The following PKNOX2 variants were observed in gnomAD, a reference collection of about 807,000 sequenced individuals.
PKNOX2 encodes the protein homeobox protein PKNOX2.
PKNOX2 carries 14 observed loss-of-function variants against 53.1 expected under a neutral mutation model. The ratio of observed to expected loss-of-function variants is 0.26; its 90% CI spans 0.17 to 0.41. The LOEUF (loss-of-function observed/expected upper bound fraction) is 0.41. PKNOX2 is among the 10% of genes least tolerant of loss of function. PKNOX2 has a pLI of 1.00. For synonymous variants in PKNOX2, 257 were observed against 242.8 expected (o/e 1.06, Z -0.54); for missense variants, 496 against 602.8 (o/e 0.82, Z 1.85).
chr11:125,217,564 C>T (rs900096247), intron 1 of PKNOX2, among the ~76,000 whole-genome samples: 2 of 152,088 alleles, frequency 1.3e-5, no homozygotes, highest in Non-Finnish European at 2.9e-5. Context: ...CTAGCGCAGG[C>T]GGGCACACAG....
At chr11:125,296,471 A>G (rs11220011) in intron 2 of PKNOX2, among the ~76,000 whole-genome samples, 36,996 of 151,822 alleles carry the variant, frequency 0.24, 5,974 homozygotes, top group African/African-American at 0.45. Flanking sequence ...TCAGGTCTCT[A>G]TTCAACTGTC....
At chr11:125,429,721 T>C (rs1323923673) in intron 11 of PKNOX2, among the ~76,000 whole-genome samples, 1 of 152,178 alleles carries the variant, frequency 6.6e-6, no homozygotes, top group Non-Finnish European at 1.5e-5. Flanking sequence ...TGGAAGGTCT[T>C]GAGCAGGGAT....
At chr11:125,325,716 G>A (rs1243050365) in intron 2 of PKNOX2, among the ~76,000 whole-genome samples, 1 of 152,070 alleles carries the variant, frequency 6.6e-6, no homozygotes, top group Non-Finnish European at 1.5e-5. Flanking sequence ...CTGTGAGTTG[G>A]GTATTATTGT....
rs1942852035 is a variant in PKNOX2, at chr11:125,237,927, AT to A, written c.-130+2814del. 2.0e-5 allele frequency among the ~76,000 whole-genome samples: 3 copies of A among 152,104 alleles called. No individual in the cohort carries two copies. The South Asian group carries it at 6.2e-4, about 31-fold the overall frequency. On this transcript the variant is annotated intron_variant, in intron 2 of 12. Transcript: ENST00000298282. ...AAGCTGGGGTAGGTTTCACACAAAG[AT>A]TAGGATTTAAGAAGCTACAAGGGTC...
At chr11:125,272,737 T>C (rs1334059319) in intron 2 of PKNOX2, among the ~76,000 whole-genome samples, 1 of 152,222 alleles carries the variant, frequency 6.6e-6, no homozygotes, top group Non-Finnish European at 1.5e-5. Context: ...TTTCCCCTTC[T>C]TTATTTTTCC....
chr11:125,327,405 T>A (rs1055411520), intron 2 of PKNOX2, among the ~76,000 whole-genome samples: 2 of 152,346 alleles, frequency 1.3e-5, no homozygotes, highest in Middle Eastern at 6.8e-3. Context: ...TCTTGTTCCC[T>A]GAACCATCCG....
At chr11:125,353,984 G>A (rs1951460282) in intron 4 of PKNOX2, among the ~76,000 whole-genome samples, 2 of 152,272 alleles carry the variant, frequency 1.3e-5, no homozygotes, top group East Asian at 1.9e-4. Context: ...TGACTCTAGG[G>A]GGAAAGGCTG....
chr11:125,426,032 T>G lies in PKNOX2; in HGVS notation c.937-2980T>G, dbSNP rs540590112. Among the ~76,000 whole-genome samples, 192 of 152,304 alleles carry G rather than the reference T, an allele frequency of 1.3e-3. 1 individual carries two copies. The highest frequency in any genetic ancestry group is 4.5e-3 in the African/African-American group (188 of 41,558). ...TTTGGGTGGCATTGCTTCTCATAGC[T>G]CCCCACTGGACTGGAGCATGTTAAT... On this transcript the variant is annotated intron_variant, in intron 10 of 12. Transcript: ENST00000298282.
intron 2 of PKNOX2, among the ~76,000 whole-genome samples, chr11:125,329,917 CGTT>C (rs1165283740): frequency 6.6e-6 from 1 of 152,126 alleles, no homozygotes; most frequent in Non-Finnish European, 1.5e-5. Flanking sequence ...AGCAGGAAGT[CGTT>C]GTACTTCTGG....
chr11:125,349,108 C>T (rs1951153782), intron 3 of PKNOX2, among the ~76,000 whole-genome samples: 1 of 152,230 alleles, frequency 6.6e-6, no homozygotes, highest in South Asian at 2.1e-4. Context: ...TTAATAGGCC[C>T]CTGAAACATT....
chr11:125,207,201 C>T (rs1326310746), intron 1 of PKNOX2, among the ~76,000 whole-genome samples: 1 of 152,058 alleles, frequency 6.6e-6, no homozygotes, highest in Non-Finnish European at 1.5e-5. Flanking sequence ...TTCTCTCTCT[C>T]TCTTTCCCTT....
At chr11:125,328,254 C>T (rs1949939021) in intron 2 of PKNOX2, among the ~76,000 whole-genome samples, 1 of 152,190 alleles carries the variant, frequency 6.6e-6, no homozygotes, top group Non-Finnish European at 1.5e-5. Context: ...ATCACACACA[C>T]ATTGTAGGTG....
At chr11:125,424,776 G>C (rs1956328142) in intron 10 of PKNOX2, among the ~76,000 whole-genome samples, 2 of 152,192 alleles carry the variant, frequency 1.3e-5, no homozygotes, top group Admixed American at 6.5e-5. Context: ...ATTGCCAATG[G>C]GCTGTGCATG....
chr11:125,271,471 C>A (rs1945785023), intron 2 of PKNOX2, among the ~76,000 whole-genome samples: 1 of 152,200 alleles, frequency 6.6e-6, no homozygotes, highest in Admixed American at 6.5e-5. Context: ...TTCTTCCCTA[C>A]CTCCATCCCA....
intron 2 of PKNOX2, among the ~76,000 whole-genome samples, chr11:125,309,215 T>TTC (rs1393699862): frequency 6.7e-6 from 1 of 149,490 alleles, no homozygotes; most frequent in African/African-American, 2.5e-5. Flanking sequence ...CCTTCCTTTC[T>TTC]CTCTCTCTTT....
chr11:125,397,798 G>T lies in PKNOX2; in HGVS notation c.400-76G>T, dbSNP rs534266905. 1.2e-5 allele frequency: 18 copies of T among 1,453,926 alleles called. 1 individual carries two copies. In the East Asian group the frequency reaches 4.1e-4, roughly 33 times the overall value. 90.1% of individuals were successfully genotyped at this position (1,453,926 alleles called of 1,614,324 possible). On this transcript the variant is annotated intron_variant, in intron 6 of 12. Coordinates refer to ENST00000298282, the MANE Select transcript of PKNOX2 (RefSeq NM_001382323.2). The stretch of plus-strand genomic sequence containing the variant: ...GGGGTGGGCTCCCCTCCCCTGGGGT[G>T]GTGGGGGCTGGGGGTCCAGGCAGTG...
At chr11:125,377,752 A>T (rs576216937) in intron 5 of PKNOX2, among the ~76,000 whole-genome samples, 1 of 152,364 alleles carries the variant, frequency 6.6e-6, no homozygotes, top group Admixed American at 6.5e-5. Context: ...ATGAGCAAAA[A>T]CAAACAAACA....
In PKNOX2 at chr11:125,200,796, C is replaced by A. The variant is rs1156649108; in HGVS notation, c.-200-34249C>A. On this transcript the variant is annotated intron_variant, in intron 1 of 12. Coordinates refer to ENST00000298282, the MANE Select transcript of PKNOX2 (RefSeq NM_001382323.2). The stretch of plus-strand genomic sequence containing the variant: ...CCTGGGTTGACCGTCACTGCATCCC[C>A]AGTGCCCTTGATGAGGAACGGTTAA... Among the ~76,000 whole-genome samples the A allele has an allele frequency of 3.9e-5, 6 of 152,220 alleles. No homozygotes were observed. The East Asian group carries it at 1.2e-3, about 29-fold the overall frequency.
At chr11:125,309,515 G>A (rs1451658759) in intron 2 of PKNOX2, among the ~76,000 whole-genome samples, 1 of 151,452 alleles carries the variant, frequency 6.6e-6, no homozygotes, top group Non-Finnish European at 1.5e-5. Context: ...TGCCTCCTAA[G>A]TAGCTGGGAT....
Sources: allele counts gnomAD v4.1 joint callset (sites outside exome capture counted in the v4.1 genomes callset), GRCh38; gene constraint gnomAD v4.1.1; transcripts MANE v1.5; gene names NCBI Gene and HGNC (gene_info 2026-07-23, HGNC 2026-07-21).